Variants in CPED1 observed in about 807,000 individuals in gnomAD.
CPED1 encodes the protein cadherin-like and PC-esterase domain-containing protein 1.
Under a neutral mutation model 128.2 loss-of-function variants are expected in CPED1, and 114 were observed. The ratio of observed to expected loss-of-function variants is 0.89; its 90% CI spans 0.76 to 1.04. The LOEUF (loss-of-function observed/expected upper bound fraction) is 1.04. CPED1 is among the 50% of genes least tolerant of loss of function. The probability of loss-of-function intolerance (pLI) is 0.00; values close to 1 mark genes in which losing one functional copy is unlikely to be tolerated. For synonymous variants in CPED1, 462 were observed against 426.7 expected (o/e 1.08, Z -1.02); for missense variants, 1,211 against 1,207.1 (o/e 1.00, Z -0.05).
In CPED1 at chr7:121,154,243, A is replaced by T. The variant is rs1259714457; in HGVS notation, c.2055+12102A>T. On this transcript the variant is annotated intron_variant, in intron 16 of 22. Coordinates refer to ENST00000310396, the MANE Select transcript of CPED1 (RefSeq NM_024913.5). ...TTAACTCTCCAGTAAATTGCGCATC[A>T]CAGTAAAAAGGGATCTCTCTTTCTA... Among the ~76,000 whole-genome samples, 5 of 152,316 alleles carry T rather than the reference A, an allele frequency of 3.3e-5. 1 individual carries two copies. The highest frequency in any genetic ancestry group is 1.2e-4 in the African/African-American group (5 of 41,572).
In CPED1 at chr7:121,009,763, C is replaced by T. The variant is rs191917435; in HGVS notation, c.250-5902C>T. 2.0e-5 allele frequency among the ~76,000 whole-genome samples: 3 copies of T among 152,106 alleles called. 1 individual carries two copies. Among genetic ancestry groups the T allele is most frequent in the Admixed American group, 1.3e-4 (2 of 15,280 alleles). On this transcript the variant is annotated intron_variant, in intron 2 of 22. Transcript: ENST00000310396. Reference sequence around the variant, plus strand: ...TTCAGGGGAGGGGCTGTTCTGAGACCACAATGTCTAAGATATGGCCATTGG... The same window carrying T: ...TTCAGGGGAGGGGCTGTTCTGAGACTACAATGTCTAAGATATGGCCATTGG...
chr7:121,125,945 T>C, intron 9 of CPED1, 53 bp downstream of exon 9: 1 of 1,192,982 alleles, frequency 8.4e-7, no homozygotes, highest in South Asian at 1.3e-5. Context: ...GAGAGATCAG[T>C]GTGTGTGTGT....
At chr7:121,194,040 ATATATATATTT>A (rs1305846294) in intron 16 of CPED1, among the ~76,000 whole-genome samples, 1 of 109,608 alleles carries the variant, frequency 9.1e-6, no homozygotes, top group Non-Finnish European at 1.9e-5. Context: ...ATATATATAT[ATATATATATTT>A]TTTTTTTTTT....
chr7:121,166,192 A>G (rs1796521806), intron 16 of CPED1, among the ~76,000 whole-genome samples: 1 of 152,194 alleles, frequency 6.6e-6, no homozygotes. Flanking sequence ...AATAAGATAC[A>G]TGGATTGGGT....
intron 3 of CPED1, among the ~76,000 whole-genome samples, chr7:121,034,023 C>G (rs145592484): frequency 1.3e-5 from 2 of 152,152 alleles, no homozygotes; most frequent in African/African-American, 4.8e-5. Flanking sequence ...TTTAGTAGAA[C>G]AGGAAGAAGG....
At chr7:121,233,803 C>T (rs759668886) in intron 16 of CPED1, among the ~76,000 whole-genome samples, 12 of 152,094 alleles carry the variant, frequency 7.9e-5, no homozygotes, top group Middle Eastern at 3.4e-3. Context: ...CTGCATCTTA[C>T]GTTTCTATAG....
At chr7:121,188,517 A>G (rs957350323) in intron 16 of CPED1, among the ~76,000 whole-genome samples, 3 of 152,154 alleles carry the variant, frequency 2.0e-5, no homozygotes, top group Admixed American at 6.6e-5. Flanking sequence ...GAACTTTTCT[A>G]CAAATAAAAC....
chr7:121,098,764 ATAAAT>A (rs1794762471), intron 6 of CPED1, among the ~76,000 whole-genome samples: 1 of 38,688 alleles, frequency 2.6e-5, no homozygotes, highest in Non-Finnish European at 5.2e-5. Context: ...AAAAATATAT[ATAAAT>A]ATATATATAT....
chr7:121,140,982 A>T lies in CPED1; in HGVS notation c.1855A>T (p.Lys619Ter), dbSNP rs761229768. 1.2e-6 allele frequency: 2 copies of T among 1,611,976 alleles called. No individual in the cohort carries two copies. The highest frequency in any genetic ancestry group is 2.2e-5 in the South Asian group (2 of 90,856). The change falls in exon 15 of 23, where the codon AAG (lysine) becomes TAG (stop). Residue 619 changes from lysine to a stop codon, truncating the protein, a stop_gained. Transcript: ENST00000310396. LOFTEE classifies it high-confidence loss of function. Reference sequence around the variant, plus strand: ...AGTGGAAACTCCTAAGTGTCTGTGCAAGGTGCACCTGTACGAGCAGGCAGG... The same window carrying T: ...AGTGGAAACTCCTAAGTGTCTGTGCTAGGTGCACCTGTACGAGCAGGCAGG... ...IGVETPKCLC[K>*]VHLYEQAGPS... is the part of the protein sequence containing the mutation.
intron 5 of CPED1, among the ~76,000 whole-genome samples, chr7:121,092,108 A>C (rs1280082734): frequency 6.6e-6 from 1 of 152,042 alleles, no homozygotes; most frequent in African/African-American, 2.4e-5. Flanking sequence ...GGCTTTGCTG[A>C]TATTAGGCCT....
chr7:121,170,903 T>C (rs1013397552), intron 16 of CPED1, among the ~76,000 whole-genome samples: 2 of 151,560 alleles, frequency 1.3e-5, no homozygotes, highest in Admixed American at 6.6e-5. Context: ...ATACAAAAAT[T>C]AGCGGGTGTG....
intron 2 of CPED1, among the ~76,000 whole-genome samples, chr7:121,003,158 C>G (rs941192014): frequency 6.6e-6 from 1 of 152,170 alleles, no homozygotes; most frequent in African/African-American, 2.4e-5. Context: ...AGCTCTTAAA[C>G]TCTGATTATT....
At position 121,174,551 on chromosome 7, in the gene CPED1, C is replaced by T. The variant is rs117816549; in HGVS notation, c.2055+32410C>T. 1.8e-3 allele frequency among the ~76,000 whole-genome samples: 270 copies of T among 151,288 alleles called. 7 individuals carry two copies. The East Asian group carries it at 0.046, about 26-fold the overall frequency. On this transcript the variant is annotated intron_variant, in intron 16 of 22. Transcript: ENST00000310396. The stretch of plus-strand genomic sequence containing the variant: ...TAGTTGTAGGTGTGCAGTCCTATTT[C>T]TGGGCTCTATATTCTGTTCCTTTGG...
chr7:121,273,016 A>ATT (rs139552274), intron 22 of CPED1, among the ~76,000 whole-genome samples: 11,383 of 151,288 alleles, frequency 0.075, 515 homozygotes, highest in African/African-American at 0.09. Flanking sequence ...TTGGAATATG[A>ATT]TTTTTTTTTG....
At chr7:121,252,829 T>G (rs1347026235) in intron 18 of CPED1, among the ~76,000 whole-genome samples, 2 of 152,094 alleles carry the variant, frequency 1.3e-5, no homozygotes, top group Admixed American at 6.6e-5. Context: ...CTGGAGAGGA[T>G]GTGGAGAAAT....
chr7:121,236,079 C>T (rs983623225), intron 16 of CPED1, among the ~76,000 whole-genome samples: 6 of 152,174 alleles, frequency 3.9e-5, no homozygotes, highest in South Asian at 2.1e-4. Context: ...GTCCAGCCTG[C>T]GGGTGCAGCT....
chr7:121,102,808 C>G lies in CPED1; in HGVS notation c.918+2714C>G, dbSNP rs554288850. On this transcript the variant is annotated intron_variant, in intron 7 of 22. Transcript: ENST00000310396. Reference sequence around the variant, plus strand: ...AATAGCCTCCAACAACTCCCCTCCCCCAACTCCACTTATCCCTGACCGTGG... The same window carrying G: ...AATAGCCTCCAACAACTCCCCTCCCGCAACTCCACTTATCCCTGACCGTGG... Among the ~76,000 whole-genome samples the G allele has an allele frequency of 2.0e-5, 3 of 152,214 alleles. No homozygotes were observed. The East Asian group carries it at 5.8e-4, about 29-fold the overall frequency.
chr7:121,132,136 A>G (rs1045746037), intron 12 of CPED1, among the ~76,000 whole-genome samples: 1 of 152,100 alleles, frequency 6.6e-6, no homozygotes, highest in Non-Finnish European at 1.5e-5. Flanking sequence ...GTGAATGTGT[A>G]TATATTTAAT....
rs867338861 is a variant in CPED1, at chr7:121,029,798, T to C, written c.433+13950T>C. Among the ~76,000 whole-genome samples, 21 of 152,216 alleles carry C rather than the reference T, an allele frequency of 1.4e-4. 1 individual carries two copies. Among genetic ancestry groups the C allele is most frequent in the Non-Finnish European group, 2.5e-4 (17 of 68,028 alleles). ...AATCCTATTATCTTGTCTTGTCACA[T>C]TGAGTATTTTTAAGGCACTCTGTCT... is the stretch of plus-strand genomic sequence containing the variant. On this transcript the variant is annotated intron_variant, in intron 3 of 22. Coordinates refer to ENST00000310396, the MANE Select transcript of CPED1 (RefSeq NM_024913.5).
Sources: gnomAD v4.1 joint callset for allele counts (sites outside exome capture counted in the v4.1 genomes callset) on GRCh38, gnomAD v4.1.1 for gene constraint, MANE v1.5 for transcripts, NCBI Gene and HGNC (gene_info 2026-07-23, HGNC 2026-07-21) for gene names.